PIGK: variants seen among roughly 807,000 people sequenced by gnomAD.
PIGK encodes phosphatidylinositol glycan anchor biosynthesis class K.
A neutral mutation model predicts 50.6 loss-of-function variants in PIGK; 42 were observed. The observed-to-expected ratio is 0.83, with a 90% CI of 0.65 to 1.07. PIGK has a LOEUF of 1.07. Ranked by LOEUF, PIGK falls within the 50% of genes least tolerant of loss-of-function variation. The pLI is 0.00. For missense variants in PIGK, 448 were observed against 488.7 expected (o/e 0.92, Z 0.78); for synonymous variants, 151 against 156.0 (o/e 0.97, Z 0.24).
In PIGK at chr1:77,161,301, A is replaced by T. The variant is rs769740813; in HGVS notation, c.807T>A (p.Asn269Lys). 6.2e-6 allele frequency: 9 copies of T among 1,452,644 alleles called. No homozygotes were observed. The Admixed American group carries it at 1.5e-4, about 24-fold the overall frequency. The allele number at this position is 1,452,644 out of a possible 1,614,324, so 90.0% of individuals were successfully genotyped here. A position where few individuals can be genotyped will look rare whatever the true frequency, so the allele number is the denominator to read the frequency against. The change falls in exon 8 of 11, where the codon AAT (asparagine) becomes AAA (lysine). Residue 269 changes from asparagine to lysine, a missense_variant. Physicochemically the swap from Asn to Lys is moderately conservative, Grantham distance 94 (BLOSUM62 0). Coordinates refer to ENST00000370812, the MANE Select transcript of PIGK (RefSeq NM_005482.3). ...AAATCAAGTGAATACTTACAAGGTC[A>T]TTCATATTAGTTTGGCTAGCTGGGT... ...EINPASQTNM[N>K]DLFQVCPKSL...
At position 77,180,968 on chromosome 1, in the gene PIGK, T is replaced by C. The variant is rs1053077491; in HGVS notation, c.240-11573A>G. ...GAAGCATAATTTCTTTCTTCTTTCC[T>C]AGATAAAAACAAAGAAAACTGCTAA... On this transcript the variant is annotated intron_variant, in intron 3 of 10. Transcript: ENST00000370812. 2.4e-4 allele frequency among the ~76,000 whole-genome samples: 36 copies of C among 152,182 alleles called. 1 individual carries two copies. Among genetic ancestry groups the C allele is most frequent in the African/African-American group, 2.4e-5 (1 of 41,450 alleles).
intron 3 of PIGK, among the ~76,000 whole-genome samples, chr1:77,201,678 T>C (rs747587447): frequency 6.6e-6 from 1 of 151,802 alleles, no homozygotes; most frequent in Non-Finnish European, 1.5e-5. Flanking sequence ...GAGGCAGAGG[T>C]TGCAGTGAGC....
At chr1:77,136,141 C>T (rs1377633333) in intron 9 of PIGK, among the ~76,000 whole-genome samples, 1 of 152,152 alleles carries the variant, frequency 6.6e-6, no homozygotes. Flanking sequence ...TTAATGGTAG[C>T]TTAGCCAGCT....
At chr1:77,182,209 A>G (rs1366368744) in intron 3 of PIGK, among the ~76,000 whole-genome samples, 1 of 152,216 alleles carries the variant, frequency 6.6e-6, no homozygotes, top group Non-Finnish European at 1.5e-5. Context: ...CGAAGATAAC[A>G]GCTAACATTT....
intron 3 of PIGK, among the ~76,000 whole-genome samples, chr1:77,196,680 T>C (rs1656045945): frequency 6.6e-6 from 1 of 152,196 alleles, no homozygotes; most frequent in Admixed American, 6.6e-5. Flanking sequence ...TTTTTGCTTG[T>C]TGAGTTGTTT....
chr1:77,161,702 C>T lies in PIGK; in HGVS notation c.594G>A (p.Glu198=), dbSNP rs1457357498. ...EQMWQKRRYN[E]LLFIIDTCQG... ...GGCAAGTATCAATAATAAACAGTAG[C>T]TCATTGTAGCTGAAAGAAAAATGAT... Residue 198 remains glutamate (E), a synonymous_variant, in exon 7 of 11, where the codon GAG becomes GAA. Transcript: ENST00000370812. The T allele has an allele frequency of 1.4e-6, 2 of 1,393,688 alleles. No individual in the cohort carries two copies. The highest frequency in any genetic ancestry group is 1.2e-5 in the South Asian group (1 of 85,996). The allele number at this position is 1,393,688 out of a possible 1,614,324, so 86.3% of individuals were successfully genotyped here. A position where few individuals can be genotyped will look rare whatever the true frequency, so the allele number is the denominator to read the frequency against.
chr1:77,113,418 G>T (rs920987965), intron 10 of PIGK, among the ~76,000 whole-genome samples: 1 of 152,018 alleles, frequency 6.6e-6, no homozygotes, highest in Non-Finnish European at 1.5e-5. Context: ...TATCTGTCTA[G>T]TTGTTTTTAA....
intron 3 of PIGK, among the ~76,000 whole-genome samples, chr1:77,203,816 T>A (rs1281125479): frequency 6.6e-6 from 1 of 152,200 alleles, no homozygotes; most frequent in East Asian, 1.9e-4. Context: ...GAAGATTTCA[T>A]GGACATTTAT....
chr1:77,180,872 G>T (rs1348681356), intron 3 of PIGK, among the ~76,000 whole-genome samples: 6 of 152,136 alleles, frequency 3.9e-5, no homozygotes, highest in Non-Finnish European at 7.4e-5. Flanking sequence ...TTTGCCCTAA[G>T]CAGTTCCCAG....
Position 77,168,692 on chromosome 1 carries a change from G to C in PIGK, c.375+568C>G, listed in dbSNP as rs571892947. The stretch of plus-strand genomic sequence containing the variant: ...ATTGTGTCTTACTTTTGGTAGGCTT[G>C]GTAAAAGGGGAAGGATTATCTAAGA... On this transcript the variant is annotated intron_variant, in intron 4 of 10. Transcript: ENST00000370812. 2.2e-5 allele frequency among the ~76,000 whole-genome samples: 3 copies of C among 135,280 alleles called. No individual in the cohort carries two copies. The South Asian group carries it at 6.7e-4, about 30-fold the overall frequency. The allele number at this position is 135,280 out of a possible 152,430, so 88.7% of individuals were successfully genotyped here.
In PIGK at chr1:77,182,270, C is replaced by T. The variant is rs559375733; in HGVS notation, c.240-12875G>A. ...ACTGAGAGTCAACTTGATTAGATTG[C>T]GCAAGGGCAGGAAGCATCCAGCAGG... On this transcript the variant is annotated intron_variant, in intron 3 of 10. Coordinates refer to ENST00000370812, the MANE Select transcript of PIGK (RefSeq NM_005482.3). 6.6e-4 allele frequency among the ~76,000 whole-genome samples: 101 copies of T among 152,210 alleles called. 1 individual carries two copies. The South Asian group carries it at 0.019, about 29-fold the overall frequency.
At chr1:77,108,629 T>C (rs1370823140) in intron 10 of PIGK, among the ~76,000 whole-genome samples, 1 of 152,136 alleles carries the variant, frequency 6.6e-6, no homozygotes, top group Non-Finnish European at 1.5e-5. Context: ...TGAATTTGAA[T>C]GTTGGCCTGC....
intron 8 of PIGK, 58 bp downstream of exon 8, chr1:77,161,237 C>T (rs1655120726): frequency 3.5e-6 from 3 of 848,756 alleles, no homozygotes; most frequent in Admixed American, 3.5e-5. Context: ...TAATACACTT[C>T]TTTTCACATT....
intron 9 of PIGK, among the ~76,000 whole-genome samples, chr1:77,129,827 T>C (rs966054951): frequency 6.6e-6 from 1 of 152,136 alleles, no homozygotes; most frequent in South Asian, 2.1e-4. Context: ...TCATAAGTTA[T>C]GTACATTTTA....
chr1:77,212,758 C>T (rs990153548), intron 1 of PIGK, among the ~76,000 whole-genome samples: 6 of 152,036 alleles, frequency 3.9e-5, no homozygotes, highest in Admixed American at 2.6e-4. Flanking sequence ...AGAGAGCATA[C>T]AATTATAAGT....
chr1:77,187,356 C>G (rs929887456), intron 3 of PIGK, among the ~76,000 whole-genome samples: 40 of 152,194 alleles, frequency 2.6e-4, no homozygotes, highest in Non-Finnish European at 7.3e-5. Context: ...CTCATCATCA[C>G]CCCTAGTGAT....
In PIGK at chr1:77,091,488, T is replaced by A. The variant is rs1326064015; in HGVS notation, c.*886A>T. On this transcript the variant is annotated 3_prime_UTR_variant, in exon 11 of 11. Transcript: ENST00000370812. The stretch of plus-strand genomic sequence containing the variant: ...TTACCTAAAACAGAATGAAATAAAG[T>A]CCTTGTTGGCTCTCTCTTTCAAGAT... The A allele has an allele frequency of 6.6e-6, 1 of 152,162 alleles. No individual in the cohort carries two copies. The highest frequency in any genetic ancestry group is 1.5e-5 in the Non-Finnish European group (1 of 68,002). The allele number at this position is 152,162 out of a possible 1,614,324, so 9.4% of individuals were successfully genotyped here.
chr1:77,219,276 C>CT, intron 1 of PIGK, 34 bp downstream of exon 1: 1 of 1,555,998 alleles, frequency 6.4e-7, no homozygotes, highest in Non-Finnish European at 8.9e-7. Flanking sequence ...CACAGCCGGC[C>CT]TCCCGGCTGT....
intron 9 of PIGK, among the ~76,000 whole-genome samples, chr1:77,125,143 A>T (rs1160128477): frequency 6.6e-6 from 1 of 152,240 alleles, no homozygotes; most frequent in Non-Finnish European, 1.5e-5. Flanking sequence ...CTTACTCAAT[A>T]TAAAAGATAT....
Sources: allele counts gnomAD v4.1 joint callset (sites outside exome capture counted in the v4.1 genomes callset), GRCh38; gene constraint gnomAD v4.1.1; transcripts MANE v1.5; gene names NCBI Gene and HGNC (gene_info 2026-07-23, HGNC 2026-07-21).